XPA: variants seen among roughly 807,000 people sequenced by gnomAD.
The protein encoded by XPA is DNA repair protein complementing XP-A cells.
XPA carries 27 observed loss-of-function variants against 35.7 expected under a neutral mutation model. The ratio of observed to expected loss-of-function variants is 0.76; its 90% CI spans 0.56 to 1.04. The LOEUF (loss-of-function observed/expected upper bound fraction) is 1.04. Ranked by LOEUF, XPA falls within the 50% of genes least tolerant of loss-of-function variation. The probability of loss-of-function intolerance (pLI) is 0.00; values close to 1 mark genes in which losing one functional copy is unlikely to be tolerated. For missense variants in XPA, 354 were observed against 342.7 expected, an observed-to-expected ratio of 1.03 and a Z score of -0.26; for synonymous variants, 133 against 118.4, an observed-to-expected ratio of 1.12 and a Z score of -0.80.
intron 5 of XPA, among the ~76,000 whole-genome samples, chr9:97,681,793 G>A (rs534500290): frequency 6.6e-6 from 1 of 152,202 alleles, no homozygotes; most frequent in African/African-American, 2.4e-5. Context: ...CTCTCTTTCA[G>A]ACTCCTTAAG....
At position 97,675,351 on chromosome 9, in the gene XPA, C is replaced by CTTTTTT; in HGVS notation, c.*82_*87dup. On this transcript the variant is annotated 3_prime_UTR_variant, in exon 6 of 6. Coordinates refer to ENST00000375128, the MANE Select transcript of XPA (RefSeq NM_000380.4). ...GTTTCATTCATCTATGAAGATGTTG[C>CTTTTTT]TTTTTTTTTTGAATTTTGAAAAGGA... 8.4e-7 allele frequency: 1 copy of CTTTTTT among 1,187,440 alleles called. No individual in the cohort carries two copies. 73.6% of individuals were successfully genotyped at this position (1,187,440 alleles called of 1,614,324 possible).
At chr9:97,672,643 ACTGTGTG>A (rs1828225942), downstream of XPA, 1 of 153,640 alleles carries the variant, frequency 6.5e-6, no homozygotes, top group Non-Finnish European at 1.4e-5. Flanking sequence ...ATGGGTTTGA[ACTGTGTG>A]AGTCTCCTTA....
intron 5 of XPA, among the ~76,000 whole-genome samples, chr9:97,679,119 A>G (rs896150988): frequency 5.9e-5 from 9 of 152,234 alleles, no homozygotes; most frequent in African/African-American, 2.2e-4. Flanking sequence ...TACTAAATCA[A>G]TGTTAAATTT....
At chr9:97,657,239 T>G in the XPA span, among the ~76,000 whole-genome samples, 22,290 of 152,216 alleles carry the variant, frequency 0.15, 2,074 homozygotes, top group Middle Eastern at 0.35. Flanking sequence ...GTGCTGAGAT[T>G]ACAGGCATGA....
chr9:97,681,072 A>T (rs1456921380), intron 5 of XPA, among the ~76,000 whole-genome samples: 1 of 152,226 alleles, frequency 6.6e-6, no homozygotes, highest in African/African-American at 2.4e-5. Flanking sequence ...AGACGAAAAA[A>T]TTCTCCTAAA....
chr9:97,669,569 CCTTAA>C, the XPA span: 1 of 1,513,570 alleles, frequency 6.6e-7, no homozygotes, highest in Non-Finnish European at 9.2e-7. Flanking sequence ...TGTAGTACTA[CCTTAA>C]CTTCTTCTCC....
intron 5 of XPA, chr9:97,675,868 C>T: frequency 2.1e-6 from 1 of 481,992 alleles, no homozygotes; most frequent in East Asian, 3.9e-5. Flanking sequence ...AAAACAGAAC[C>T]ATATTCAGAA....
At chr9:97,686,595 A>AC (rs1168458887) in intron 4 of XPA, among the ~76,000 whole-genome samples, 13 of 152,108 alleles carry the variant, frequency 8.5e-5, no homozygotes, top group Admixed American at 3.3e-4. Flanking sequence ...TCTTAACATC[A>AC]CCCAATAGCA....
At chr9:97,687,556 C>T (rs888058302) in intron 3 of XPA, among the ~76,000 whole-genome samples, 1 of 152,054 alleles carries the variant, frequency 6.6e-6, no homozygotes, top group Admixed American at 6.6e-5. Flanking sequence ...AGCAAGAGGA[C>T]CAGTGTAACT....
At chr9:97,685,469 C>G (rs1200524374) in intron 4 of XPA, among the ~76,000 whole-genome samples, 1 of 152,140 alleles carries the variant, frequency 6.6e-6, no homozygotes, top group Non-Finnish European at 1.5e-5. Flanking sequence ...CCTTCAAGAT[C>G]AATAATTGTC....
the XPA span, chr9:97,662,868 T>C: frequency 1.0e-6 from 1 of 977,716 alleles, no homozygotes; most frequent in Non-Finnish European, 1.6e-6. Flanking sequence ...GCATTATAAA[T>C]TGAGTAACAT....
In XPA at chr9:97,697,202, T is replaced by G; in HGVS notation, c.91A>C (p.Lys31Gln). 1.9e-6 allele frequency: 3 copies of G among 1,600,278 alleles called. No individual in the cohort carries two copies. Among genetic ancestry groups the G allele is most frequent in the East Asian group, 2.2e-5 (1 of 44,616 alleles). Residue 31 changes from lysine (K) to glutamine (Q), a missense_variant, in exon 1 of 6, where the codon AAG becomes CAG. Coordinates refer to ENST00000375128, the MANE Select transcript of XPA (RefSeq NM_000380.4). ...CGCAGCATCAGTGCCCGCTGCCGCT[T>G]CCGCTCGATACTCGCCCGCACCGAG... ...PASVRASIER[K>Q]RQRALMLRQA...
the XPA span, among the ~76,000 whole-genome samples, chr9:97,665,090 T>C: frequency 6.6e-6 from 1 of 152,210 alleles, no homozygotes. Context: ...TAAAGCAAAT[T>C]ACTTGTAAAA....
At chr9:97,680,118 G>A (rs1262636838) in intron 5 of XPA, among the ~76,000 whole-genome samples, 1 of 152,118 alleles carries the variant, frequency 6.6e-6, no homozygotes, top group Non-Finnish European at 1.5e-5. Flanking sequence ...AACAACTGGA[G>A]AATATTAAAT....
the XPA span, among the ~76,000 whole-genome samples, chr9:97,657,921 TA>T: frequency 4.7e-5 from 5 of 105,986 alleles, no homozygotes; most frequent in East Asian, 4.4e-4. Flanking sequence ...TATATATATA[TA>T]TATATTTTTT....
chr9:97,682,062 TTATCTATCTATCTATC>T (rs5899322), intron 5 of XPA: 3 of 242,674 alleles, frequency 1.2e-5, no homozygotes, highest in Non-Finnish European at 2.5e-5. Context: ...CACCTTATTT[TTATCTATCTATCTATC>T]TATCTATCTA....
At chr9:97,682,590 T>C (rs562186217) in intron 5 of XPA, among the ~76,000 whole-genome samples, 2 of 152,176 alleles carry the variant, frequency 1.3e-5, no homozygotes, top group South Asian at 2.1e-4. Flanking sequence ...TTGGAAAATA[T>C]ATCACTCATG....
chr9:97,687,224 C>T lies in XPA; in HGVS notation c.427G>A (p.Glu143Lys), dbSNP rs946369121. The change falls in exon 4 of 6, where the codon GAG becomes AAG. Residue 143 changes from glutamate to lysine, a missense_variant. Physicochemically the swap from Glu to Lys is moderately conservative, Grantham distance 56 (BLOSUM62 1). Coordinates refer to ENST00000375128, the MANE Select transcript of XPA (RefSeq NM_000380.4). Reference protein sequence around the residue: ...DDKHKLITKTEAKQEYLLKDC... With the variant: ...DDKHKLITKTKAKQEYLLKDC... The stretch of plus-strand genomic sequence containing the variant: ...TTCAGAAGATATTCTTGTTTTGCCT[C>T]TGTTTTGGTTATAAGCTTGTGTTTA... 6.2e-7 allele frequency: 1 copy of T among 1,610,748 alleles called. No individual in the cohort carries two copies. The highest frequency in any genetic ancestry group is 8.5e-7 in the Non-Finnish European group (1 of 1,178,780).
At chr9:97,662,399 G>A in the XPA span, among the ~76,000 whole-genome samples, 17,981 of 152,110 alleles carry the variant, frequency 0.12, 3,017 homozygotes, top group African/African-American at 0.37. Flanking sequence ...AAAAACCTAG[G>A]TTTTTGGGAC....
Sources: gnomAD v4.1 joint callset for allele counts (sites outside exome capture counted in the v4.1 genomes callset) on GRCh38, gnomAD v4.1.1 for gene constraint, MANE v1.5 for transcripts, NCBI Gene and HGNC (gene_info 2026-07-23, HGNC 2026-07-21) for gene names.